LY6K: variants seen among roughly 807,000 people sequenced by gnomAD.
The protein encoded by LY6K is lymphocyte antigen 6K.
LY6K carries 9 observed loss-of-function variants against 10.4 expected under a neutral mutation model. That is an observed-to-expected ratio of 0.87 (90% confidence interval 0.52 to 1.52). The LOEUF is 1.52. Ranked by LOEUF, LY6K falls within the 40% of genes most tolerant of loss-of-function variation. The probability of loss-of-function intolerance (pLI) is 0.00; values close to 1 mark genes in which losing one functional copy is unlikely to be tolerated. For synonymous variants in LY6K, 98 were observed against 83.7 expected (o/e 1.17, Z -0.94); for missense variants, 217 against 211.7 (o/e 1.02, Z -0.15).
intron 2 of LY6K, chr8:142,702,000 GTTTCA>G (rs1815056473): frequency 3.1e-6 from 1 of 326,020 alleles, no homozygotes; most frequent in African/African-American, 2.1e-5. Context: ...TAGAGGTGGG[GTTTCA>G]CCATGTTGGT....
chr8:142,700,769 G>GT, intron 1 of LY6K, 139 bp downstream of exon 1: 1 of 916,662 alleles, frequency 1.1e-6, no homozygotes, highest in African/African-American at 1.8e-5. Context: ...GGAAGCCTCT[G>GT]GGGAGCCTCG....
chr8:142,701,797 T>A (rs1238044821), intron 2 of LY6K, 84 bp downstream of exon 2: 5 of 837,176 alleles, frequency 6.0e-6, no homozygotes, highest in Non-Finnish European at 1.0e-5. Flanking sequence ...TTTTCCTCAA[T>A]GGGGAATAAC....
In LY6K at chr8:142,700,318, G is replaced by A. The variant is rs1814948216; in HGVS notation, c.-210G>A. ...GCAGCACAAGGCGGGACTCAGAACC[G>A]GCGTTCAGGGCCGCCAGCGGCCGCG... On this transcript the variant is annotated 5_prime_UTR_variant, in exon 1 of 3. Transcript: ENST00000292430. 1.5e-6 allele frequency: 2 copies of A among 1,296,624 alleles called. No individual in the cohort carries two copies. Among genetic ancestry groups the A allele is most frequent in the African/African-American group, 1.6e-5 (1 of 63,944 alleles). 80.3% of individuals were successfully genotyped at this position (1,296,624 alleles called of 1,614,324 possible).
In LY6K at chr8:142,700,305, G is replaced by A; in HGVS notation, c.-223G>A. 7.8e-7 allele frequency: 1 copy of A among 1,280,282 alleles called. No homozygotes were observed. The highest frequency in any genetic ancestry group is 9.9e-7 in the Non-Finnish European group (1 of 1,012,112). The allele number at this position is 1,280,282 out of a possible 1,614,324, so 79.3% of individuals were successfully genotyped here. ...GGCCGCTCCAACAGCAGCACAAGGC[G>A]GGACTCAGAACCGGCGTTCAGGGCC... is the stretch of plus-strand genomic sequence containing the variant. On this transcript the variant is annotated 5_prime_UTR_variant, in exon 1 of 3. Coordinates refer to ENST00000292430, the MANE Select transcript of LY6K (RefSeq NM_017527.4).
intron 2 of LY6K, chr8:142,702,441 C>T (rs1587563043): frequency 6.6e-7 from 1 of 1,511,774 alleles, no homozygotes; most frequent in Non-Finnish European, 8.9e-7. Flanking sequence ...CTGAAAACCT[C>T]TGGGTACATG....
rs1815155466 is a variant in LY6K at position 142,704,851 on chromosome 8, T to C, written c.*1480T>C. 1 of 152,222 alleles carries C rather than the reference T, an allele frequency of 6.6e-6. No individual in the cohort carries two copies. The highest frequency in any genetic ancestry group is 2.4e-5 in the African/African-American group (1 of 41,464). 9.4% of individuals were successfully genotyped at this position (152,222 alleles called of 1,614,324 possible). A position where few individuals can be genotyped will look rare whatever the true frequency, so the allele number is the denominator to read the frequency against. ...CTTGTTTAAAATGGCCATAGAACGC[T>C]TTTCTCTTATCTGCAGCTGAGCTGG... On this transcript the variant is annotated 3_prime_UTR_variant, in exon 3 of 3. Coordinates refer to ENST00000292430, the MANE Select transcript of LY6K (RefSeq NM_017527.4).
chr8:142,701,577 TTC>T, intron 1 of LY6K, 21 bp from the exon 2 acceptor site: 1 of 1,504,012 alleles, frequency 6.6e-7, no homozygotes, highest in Non-Finnish European at 9.3e-7. Context: ...ACATTCTGCT[TTC>T]TTTTTTATTC....
chr8:142,702,574 G>C lies in LY6K; in HGVS notation c.218-517G>C, dbSNP rs782646003. On this transcript the variant is annotated intron_variant, in intron 2 of 2. Coordinates refer to ENST00000292430, the MANE Select transcript of LY6K (RefSeq NM_017527.4). Reference sequence around the variant, plus strand: ...CAGCCCTTCGGTATCCACGAAGTTGGTGGGGTGCTGAGGTGATGCTTCAGA... The same window carrying C: ...CAGCCCTTCGGTATCCACGAAGTTGCTGGGGTGCTGAGGTGATGCTTCAGA... The C allele has an allele frequency of 2.0e-6, 3 of 1,535,710 alleles. No individual in the cohort carries two copies. In the South Asian group the frequency reaches 3.6e-5, roughly 18 times the overall value.
At chr8:142,701,267 A>G (rs960382058) in intron 1 of LY6K, among the ~76,000 whole-genome samples, 2 of 152,194 alleles carry the variant, frequency 1.3e-5, no homozygotes, top group Non-Finnish European at 2.9e-5. Flanking sequence ...AATGTAAAGA[A>G]GTCCGGGGGC....
rs782028808 is a variant in LY6K, at chr8:142,700,542, C to T, written c.15C>T (p.Ala5=). 3.8e-6 allele frequency: 6 copies of T among 1,583,866 alleles called. No homozygotes were observed. In the Admixed American group the frequency reaches 1.1e-4, roughly 28 times the overall value. Residue 5 remains alanine, a synonymous_variant, in exon 1 of 3, where the codon GCC becomes GCT. Coordinates refer to ENST00000292430, the MANE Select transcript of LY6K (RefSeq NM_017527.4). MALL[A]LLLVVALPRV... The stretch of plus-strand genomic sequence containing the variant: ...CGCTGGGGACGATGGCGCTGCTCGC[C>T]TTGCTGCTGGTCGTGGCCCTACCGC...
At chr8:142,700,903 C>T (rs1814993466) in intron 1 of LY6K, among the ~76,000 whole-genome samples, 1 of 152,116 alleles carries the variant, frequency 6.6e-6, no homozygotes, top group Non-Finnish European at 1.5e-5. Context: ...GCCTGGCCTC[C>T]GGGGGCTTCA....
rs782550485 is a variant in LY6K, at chr8:142,700,572, G to A, written c.45G>A (p.Val15=). Reference sequence around the variant, plus strand: ...TGCTGGTCGTGGCCCTACCGCGGGTGTGGACAGACGCCAACCTGACTGCGA... The same window carrying A: ...TGCTGGTCGTGGCCCTACCGCGGGTATGGACAGACGCCAACCTGACTGCGA... ...ALLLVVALPR[V]WTDANLTARQ... is the part of the protein sequence containing the mutation. Residue 15 remains valine (V), a synonymous_variant, in exon 1 of 3, where the codon GTG becomes GTA. Transcript: ENST00000292430. 2 of 1,586,084 alleles carry A rather than the reference G, an allele frequency of 1.3e-6. No individual in the cohort carries two copies. Among genetic ancestry groups the A allele is most frequent in the East Asian group, 4.8e-5 (2 of 41,806 alleles).
At position 142,703,241 on chromosome 8, in the gene LY6K, TAG is replaced by T. The variant is rs1554640471; in HGVS notation, c.371_372del (p.Glu124GlyfsTer18). 5.0e-6 allele frequency: 8 copies of T among 1,614,150 alleles called. No homozygotes were observed. Among genetic ancestry groups the T allele is most frequent in the Middle Eastern group, 1.7e-4 (1 of 6,060 alleles). ...TGTTGTAAAATTCGCTACTGCAATT[TAG>T]AGGGGCCACCTATCAACTCATCAGT... is the stretch of plus-strand genomic sequence containing the variant. On this transcript the variant is annotated frameshift_variant, in exon 3 of 3. Transcript: ENST00000292430. LOFTEE classifies it low-confidence loss of function (END_TRUNC).
intron 2 of LY6K, 31 bp from the exon 3 acceptor site, chr8:142,703,060 T>C (rs1418439588): frequency 1.2e-6 from 2 of 1,610,862 alleles, no homozygotes; most frequent in Admixed American, 1.7e-5. Flanking sequence ...AATTGCGTGA[T>C]TGCCTTCTCT....
At position 142,701,665 on chromosome 8, in the gene LY6K, C is replaced by T; in HGVS notation, c.169C>T (p.Pro57Ser). The T allele has an allele frequency of 6.2e-7, 1 of 1,613,910 alleles. No homozygotes were observed. Among genetic ancestry groups the T allele is most frequent in the South Asian group, 1.1e-5 (1 of 91,074 alleles). ...ERENTFECQN[P>S]RRCKWTEPYC... is the part of the protein sequence containing the mutation. ...AGAAAACACTTTCGAGTGCCAGAAC[C>T]CAAGGAGGTGCAAATGGACAGAGCC... is the stretch of plus-strand genomic sequence containing the variant. The change falls in exon 2 of 3, where the codon CCA (proline) becomes TCA (serine). Residue 57 changes from proline to serine, a missense_variant. Transcript: ENST00000292430.
chr8:142,702,932 G>T (rs1344713057), intron 2 of LY6K, 159 bp from the exon 3 acceptor site: 3 of 1,550,392 alleles, frequency 1.9e-6, no homozygotes, highest in African/African-American at 2.7e-5. Context: ...CAACACACAG[G>T]CCTGGCCCTC....
intron 1 of LY6K, 52 bp from the exon 2 acceptor site, chr8:142,701,534 GCTGTGTTCATCAGA>G: frequency 9.3e-7 from 1 of 1,073,816 alleles, no homozygotes; most frequent in Non-Finnish European, 1.4e-6. Context: ...TCGGATGCCG[GCTGTGTTCATCAGA>G]TAGGCACGGA....
At position 142,700,628 on chromosome 8, in the gene LY6K, CG is replaced by C. The variant is rs1554639971; in HGVS notation, c.103+1del. Reference protein sequence around the residue: ...RQRDPEDSQRTDEGDNRVWCH... With the variant: ...RQRDPEDSQRXDEGDNRVWCH... ...CGAGATCCAGAGGACTCCCAGCGAA[CG>C]GGTGAGCCTGGCTCGCCCTCCACAG... On this transcript the variant is annotated frameshift_variant and splice_region_variant, in exon 1 of 3. Transcript: ENST00000292430. LOFTEE classifies it high-confidence loss of function. 4.6e-6 allele frequency: 7 copies of C among 1,538,278 alleles called. No individual in the cohort carries two copies. The highest frequency in any genetic ancestry group is 6.1e-6 in the Non-Finnish European group (7 of 1,143,070).
chr8:142,701,710 G>T lies in LY6K; in HGVS notation c.214G>T (p.Val72Leu). Residue 72 changes from valine (V) to leucine (L), a missense_variant, in exon 2 of 3, where the codon GTG becomes TTG. Val to Leu is a conservative substitution (Grantham distance 32). Coordinates refer to ENST00000292430, the MANE Select transcript of LY6K (RefSeq NM_017527.4). ...WTEPYCVIAAVKIFPRFFMVA... is the reference protein window; with the variant it reads ...WTEPYCVIAALKIFPRFFMVA... ...AGAGCCATACTGCGTTATAGCGGCC[G>T]TGAGTGAGTATCTTCGCTCTTGTTG... The T allele has an allele frequency of 2.5e-6, 4 of 1,606,292 alleles. No homozygotes were observed. Among genetic ancestry groups the T allele is most frequent in the Non-Finnish European group, 3.4e-6 (4 of 1,173,946 alleles).
Sources: gnomAD v4.1 joint callset for allele counts (sites outside exome capture counted in the v4.1 genomes callset) on GRCh38, gnomAD v4.1.1 for gene constraint, MANE v1.5 for transcripts, NCBI Gene and HGNC (gene_info 2026-07-23, HGNC 2026-07-21) for gene names.